The following VEGFC variants were observed in gnomAD, a reference collection of about 807,000 sequenced individuals.
The protein encoded by VEGFC is vascular endothelial growth factor C.
A neutral mutation model predicts 46.1 loss-of-function variants in VEGFC; 12 were observed. That is an observed-to-expected ratio of 0.26 (90% CI 0.17 to 0.42). The LOEUF is 0.42. Ranked by LOEUF, VEGFC falls within the 10% of genes least tolerant of loss-of-function variation. The pLI is 1.00. For missense variants in VEGFC, 488 were observed against 529.4 expected, an observed-to-expected ratio of 0.92 and a Z score of 0.77; for synonymous variants, 232 against 195.5, an observed-to-expected ratio of 1.19 and a Z score of -1.56.
chr4:176,758,994 T>A (rs1321187810), intron 1 of VEGFC, among the ~76,000 whole-genome samples: 1 of 152,150 alleles, frequency 6.6e-6, no homozygotes, highest in African/African-American at 2.4e-5. Flanking sequence ...CATCTAAAAG[T>A]TCATTGTTAG....
chr4:176,770,979 T>TACACACACACACAC lies in VEGFC; in HGVS notation c.147+21172_147+21185dup, dbSNP rs148140472. ...TTCAATTGAAGGTGCAAGTAACTGA[T>TACACACACACACAC]ACACACACACACACACACACACACA... On this transcript the variant is annotated intron_variant, in intron 1 of 6. Transcript: ENST00000618562. Among the ~76,000 whole-genome samples the TACACACACACACAC allele has an allele frequency of 1.6e-3, 238 of 148,518 alleles. 5 individuals carry two copies. The highest frequency in any genetic ancestry group is 5.6e-3 in the African/African-American group (226 of 40,168).
At chr4:176,690,180 T>C (rs1734127767) in intron 4 of VEGFC, among the ~76,000 whole-genome samples, 1 of 152,198 alleles carries the variant, frequency 6.6e-6, no homozygotes, top group South Asian at 2.1e-4. Context: ...CTAACAATCT[T>C]CACATAAACT....
chr4:176,789,413 A>G (rs1205638375), intron 1 of VEGFC, among the ~76,000 whole-genome samples: 4 of 152,248 alleles, frequency 2.6e-5, no homozygotes, highest in African/African-American at 9.6e-5. Flanking sequence ...GAAGACTATA[A>G]TGGAGTGGAA....
At position 176,749,867 on chromosome 4, in the gene VEGFC, C is replaced by T. The variant is rs190123711; in HGVS notation, c.148-20121G>A. ...GAAGCAAAAATAAACTCCAGAACCC[C>T]TACTTAACTGTCCCACCATGTACTA... On this transcript the variant is annotated intron_variant, in intron 1 of 6. Coordinates refer to ENST00000618562, the MANE Select transcript of VEGFC (RefSeq NM_005429.5). 3.0e-4 allele frequency among the ~76,000 whole-genome samples: 46 copies of T among 151,576 alleles called. No homozygotes were observed. In the East Asian group the frequency reaches 6.8e-3, roughly 22 times the overall value.
At chr4:176,790,577 C>T (rs1016052080) in intron 1 of VEGFC, among the ~76,000 whole-genome samples, 1 of 151,948 alleles carries the variant, frequency 6.6e-6, no homozygotes, top group Non-Finnish European at 1.5e-5. Context: ...CTAGACTCAC[C>T]CAGCAGTGAG....
chr4:176,786,821 G>A (rs751378032), intron 1 of VEGFC, among the ~76,000 whole-genome samples: 4 of 152,154 alleles, frequency 2.6e-5, no homozygotes, highest in South Asian at 2.1e-4. Context: ...CATCCACATG[G>A]CTTCTTTCTT....
At chr4:176,744,703 T>A (rs1735232816) in intron 1 of VEGFC, among the ~76,000 whole-genome samples, 1 of 152,084 alleles carries the variant, frequency 6.6e-6, no homozygotes, top group Non-Finnish European at 1.5e-5. Context: ...TGCTAGTTTT[T>A]AAAAAATACA....
At chr4:176,769,676 T>C (rs568627419) in intron 1 of VEGFC, among the ~76,000 whole-genome samples, 11 of 152,274 alleles carry the variant, frequency 7.2e-5, no homozygotes, top group Admixed American at 2.6e-4. Context: ...TGGGAACTAA[T>C]GCTTTATCAG....
At chr4:176,703,100 G>T (rs1372392100) in intron 4 of VEGFC, among the ~76,000 whole-genome samples, 1 of 152,088 alleles carries the variant, frequency 6.6e-6, no homozygotes, top group Admixed American at 6.6e-5. Flanking sequence ...AATGAAGAGT[G>T]AAGAATGATG....
intron 1 of VEGFC, among the ~76,000 whole-genome samples, chr4:176,784,645 C>G (rs557800690): frequency 1.2e-3 from 175 of 148,686 alleles, no homozygotes; most frequent in African/African-American, 4.3e-3. Flanking sequence ...TCCAGCTACT[C>G]AGGAGGCTGA....
intron 3 of VEGFC, 54 bp from the exon 4 acceptor site, chr4:176,711,704 T>A: frequency 1.3e-6 from 2 of 1,585,342 alleles, no homozygotes; most frequent in Non-Finnish European, 1.7e-6. Flanking sequence ...GTAAAGCACT[T>A]TTATGGTAAA....
intron 1 of VEGFC, among the ~76,000 whole-genome samples, chr4:176,736,433 G>A (rs1033366456): frequency 6.6e-6 from 1 of 150,592 alleles, no homozygotes; most frequent in South Asian, 2.1e-4. Flanking sequence ...TGTGGAACTT[G>A]AGTACATCAT....
chr4:176,713,650 A>C (rs1734653258), intron 3 of VEGFC, among the ~76,000 whole-genome samples: 1 of 152,164 alleles, frequency 6.6e-6, no homozygotes, highest in Non-Finnish European at 1.5e-5. Context: ...CTGTAATTGG[A>C]GTCTTGGACA....
At chr4:176,764,313 CA>C (rs961990701) in intron 1 of VEGFC, among the ~76,000 whole-genome samples, 1 of 152,168 alleles carries the variant, frequency 6.6e-6, no homozygotes, top group African/African-American at 2.4e-5. Flanking sequence ...GTGAGACTGC[CA>C]GCATTTTCAC....
chr4:176,777,249 G>A (rs1293200620), intron 1 of VEGFC, among the ~76,000 whole-genome samples: 4 of 152,118 alleles, frequency 2.6e-5, no homozygotes, highest in South Asian at 2.1e-4. Context: ...CCCAGGAGGC[G>A]GAGCTTGCAG....
chr4:176,724,400 C>T (rs1177139504), intron 3 of VEGFC, among the ~76,000 whole-genome samples: 1 of 152,194 alleles, frequency 6.6e-6, no homozygotes, highest in African/African-American at 2.4e-5. Context: ...GTGAACGGAT[C>T]TGTTTTTGCC....
intron 3 of VEGFC, among the ~76,000 whole-genome samples, chr4:176,722,784 G>A (rs916630415): frequency 7.9e-5 from 12 of 152,102 alleles, no homozygotes; most frequent in African/African-American, 2.9e-4. Context: ...ACAGGTGTAA[G>A]CCACAGTGCC....
chr4:176,743,185 C>T (rs1477213030), intron 1 of VEGFC, among the ~76,000 whole-genome samples: 2 of 151,964 alleles, frequency 1.3e-5, no homozygotes, highest in African/African-American at 4.8e-5. Flanking sequence ...CTAGCACATT[C>T]TCAACTTCTT....
intron 1 of VEGFC, among the ~76,000 whole-genome samples, chr4:176,774,540 G>A (rs539321031): frequency 6.6e-6 from 1 of 152,094 alleles, no homozygotes; most frequent in Admixed American, 6.6e-5. Flanking sequence ...TATGTAAAAT[G>A]GGGACAACAT....
Sources: allele counts gnomAD v4.1 joint callset (sites outside exome capture counted in the v4.1 genomes callset), GRCh38; gene constraint gnomAD v4.1.1; transcripts MANE v1.5; gene names NCBI Gene and HGNC (gene_info 2026-07-23, HGNC 2026-07-21).